ZNF714: variants seen among roughly 807,000 people sequenced by gnomAD.
The protein encoded by ZNF714 is zinc finger protein 714.
Under a neutral mutation model 46.2 loss-of-function variants are expected in ZNF714, and 32 were observed. The ratio of observed to expected loss-of-function variants is 0.69; its 90% CI spans 0.52 to 0.93. ZNF714 has a LOEUF of 0.93. Ranked by LOEUF, ZNF714 falls within the 40% of genes least tolerant of loss-of-function variation. The pLI, the probability that ZNF714 is intolerant of heterozygous loss-of-function variation, is 0.00. For synonymous variants in ZNF714, 199 were observed against 213.1 expected, an observed-to-expected ratio of 0.93 and a Z score of 0.58; for missense variants, 635 against 646.3, an observed-to-expected ratio of 0.98 and a Z score of 0.19.
At chr19:21,101,720 C>T (rs1437294666) in intron 4 of ZNF714, among the ~76,000 whole-genome samples, 1 of 152,174 alleles carries the variant, frequency 6.6e-6, no homozygotes, top group Non-Finnish European at 1.5e-5. Flanking sequence ...TGTCTTCCTC[C>T]AGGTCTCTGA....
intron 2 of ZNF714, among the ~76,000 whole-genome samples, chr19:21,095,312 T>C (rs1470887770): frequency 6.6e-6 from 1 of 152,168 alleles, no homozygotes; most frequent in Non-Finnish European, 1.5e-5. Flanking sequence ...CTTATAATGC[T>C]AAACCATCAC....
At chr19:21,100,234 T>G (rs1455817787) in intron 4 of ZNF714, among the ~76,000 whole-genome samples, 1 of 152,098 alleles carries the variant, frequency 6.6e-6, no homozygotes, top group African/African-American at 2.4e-5. Context: ...GTAAAGATTT[T>G]TTACCTTGGC....
At chr19:21,106,943 C>G (rs1969333239) in intron 4 of ZNF714, among the ~76,000 whole-genome samples, 1 of 151,966 alleles carries the variant, frequency 6.6e-6, no homozygotes, top group Admixed American at 6.6e-5. Context: ...TATCCTGCCT[C>G]CAGCTCCTAA....
At chr19:21,082,476 C>T in intron 1 of ZNF714, 128 bp downstream of exon 1, 1 of 952,214 alleles carries the variant, frequency 1.1e-6, no homozygotes, top group South Asian at 1.4e-5. Context: ...GTTCTCCTTG[C>T]TCAGCTCGGC....
At position 21,117,824 on chromosome 19, in the gene ZNF714, A is replaced by G. The variant is rs967252056; in HGVS notation, c.1160A>G (p.His387Arg). 1.4e-5 allele frequency: 23 copies of G among 1,612,288 alleles called. No individual in the cohort carries two copies. The highest frequency in any genetic ancestry group is 9.3e-5 in the African/African-American group (7 of 74,890). ...AFNHSSKLTIHKIIHTGEKPY... is the reference protein window; with the variant it reads ...AFNHSSKLTIRKIIHTGEKPY... The stretch of plus-strand genomic sequence containing the variant: ...AACCACTCCTCAAAACTTACTATAC[A>G]TAAGATAATTCATACTGGAGAGAAA... The change falls in exon 5 of 5, where the codon CAT becomes CGT. Residue 387 changes from histidine (H) to arginine (R), a missense_variant. Transcript: ENST00000456283.
Position 21,102,960 on chromosome 19 carries a change from A to G in ZNF714, c.142+4050A>G, listed in dbSNP as rs546650738. ...TGTTTAATTAAGAGATAAATCAGCCATACATCTATCACAATCGGATTATAT... is the reference window on the plus strand; with the variant it reads ...TGTTTAATTAAGAGATAAATCAGCCGTACATCTATCACAATCGGATTATAT... On this transcript the variant is annotated intron_variant, in intron 4 of 4. Transcript: ENST00000456283. Among the ~76,000 whole-genome samples the G allele has an allele frequency of 5.3e-5, 8 of 152,174 alleles. 1 individual carries two copies. In the South Asian group the frequency reaches 8.3e-4, roughly 16 times the overall value.
At chr19:21,108,920 T>TTA (rs1381266572) in intron 4 of ZNF714, among the ~76,000 whole-genome samples, 1 of 152,228 alleles carries the variant, frequency 6.6e-6, no homozygotes, top group Non-Finnish European at 1.5e-5. Flanking sequence ...AAACCTCATG[T>TTA]TATATATACA....
chr19:21,116,570 CCTGTGTACTCAT>C (rs1969600092), intron 4 of ZNF714, among the ~76,000 whole-genome samples: 1 of 152,090 alleles, frequency 6.6e-6, no homozygotes, highest in South Asian at 2.1e-4. Flanking sequence ...TCTTTGCATT[CCTGTGTACTCAT>C]CTGTGTACTC....
At chr19:21,110,003 C>T (rs1051193910) in intron 4 of ZNF714, among the ~76,000 whole-genome samples, 2 of 152,138 alleles carry the variant, frequency 1.3e-5, no homozygotes, top group African/African-American at 4.8e-5. Context: ...CACAGATGGG[C>T]ATTTGGGTTG....
rs1225840916 is a variant in ZNF714, at chr19:21,120,306, C to G, written c.*1974C>G. ...CCACCCACCTTGGCCTCCAAAGGTG[C>G]TGGGATTACACAGGCATGAGCCACT... On this transcript the variant is annotated 3_prime_UTR_variant, in exon 5 of 5. Transcript: ENST00000456283. 6.6e-6 allele frequency: 1 copy of G among 152,166 alleles called. No homozygotes were observed. Among genetic ancestry groups the G allele is most frequent in the East Asian group, 1.9e-4 (1 of 5,198 alleles). The allele number at this position is 152,166 out of a possible 1,614,324, so 9.4% of individuals were successfully genotyped here. A position where few individuals can be genotyped will look rare whatever the true frequency, so the allele number is the denominator to read the frequency against.
At chr19:21,098,991 A>C in intron 4 of ZNF714, 81 bp downstream of exon 4, 1 of 879,474 alleles carries the variant, frequency 1.1e-6, no homozygotes, top group Non-Finnish European at 1.7e-6. Flanking sequence ...CGGCCCTTAC[A>C]ATGTGATTTG....
intron 2 of ZNF714, among the ~76,000 whole-genome samples, chr19:21,084,695 G>A (rs1968733420): frequency 6.7e-6 from 1 of 150,198 alleles, no homozygotes; most frequent in Non-Finnish European, 1.5e-5. Flanking sequence ...GGCTTGAAAG[G>A]TAGGAAATTT....
At chr19:21,105,117 T>G (rs1969280328) in intron 4 of ZNF714, among the ~76,000 whole-genome samples, 1 of 148,414 alleles carries the variant, frequency 6.7e-6, no homozygotes, top group Non-Finnish European at 1.5e-5. Flanking sequence ...CTCTGCCTCC[T>G]GGGTTTAAGT....
At chr19:21,083,884 C>A (rs2144815975) in intron 1 of ZNF714, 94 bp from the exon 2 acceptor site, 1 of 545,898 alleles carries the variant, frequency 1.8e-6, no homozygotes, top group South Asian at 2.4e-5. Context: ...TCGTGGGTTT[C>A]AGTACTGTCT....
intron 4 of ZNF714, among the ~76,000 whole-genome samples, chr19:21,104,553 A>G (rs1969268169): frequency 6.6e-6 from 1 of 151,868 alleles, no homozygotes. Context: ...AAAAAGGTAT[A>G]GTGGCCATTG....
Position 21,090,871 on chromosome 19 carries a change from CCTTTTTTTTTTTTTTTT to C in ZNF714, c.-85+6803_-85+6819del, listed in dbSNP as rs1320209991. ...CAAGGGGTGGAATATTTATGCCTCT[CCTTTTTTTTTTTTTTTT>C]TTTTTTTTTTTTTTTGAGACAGGGT... On this transcript the variant is annotated intron_variant, in intron 2 of 4. Coordinates refer to ENST00000456283, the MANE Select transcript of ZNF714 (RefSeq NM_182515.4). 582 of 121,874 alleles carry C rather than the reference CCTTTTTTTTTTTTTTTT, an allele frequency of 4.8e-3. 5 individuals carry two copies. The highest frequency in any genetic ancestry group is 0.017 in the African/African-American group (535 of 32,084). The allele number at this position is 121,874 out of a possible 1,614,324, so 7.5% of individuals were successfully genotyped here.
At chr19:21,101,767 G>T (rs1969186442) in intron 4 of ZNF714, among the ~76,000 whole-genome samples, 1 of 152,300 alleles carries the variant, frequency 6.6e-6, no homozygotes, top group Non-Finnish European at 1.5e-5. Flanking sequence ...ACTGGGAGGA[G>T]TTTGGGATGG....
intron 4 of ZNF714, among the ~76,000 whole-genome samples, chr19:21,101,344 G>T (rs371658427): frequency 6.6e-6 from 1 of 152,108 alleles, no homozygotes; most frequent in Non-Finnish European, 1.5e-5. Flanking sequence ...GTTGTAGCTT[G>T]GTCACAAGAC....
chr19:21,098,933 G>A (rs530181654), intron 4 of ZNF714, 23 bp downstream of exon 4: 5 of 1,208,834 alleles, frequency 4.1e-6, no homozygotes, highest in African/African-American at 1.5e-5. Flanking sequence ...GAACACAACA[G>A]ATGACACAGA....
Sources: gnomAD v4.1 joint callset for allele counts (sites outside exome capture counted in the v4.1 genomes callset) on GRCh38, gnomAD v4.1.1 for gene constraint, MANE v1.5 for transcripts, NCBI Gene and HGNC (gene_info 2026-07-23, HGNC 2026-07-21) for gene names.